Variants in ZMAT3 observed in about 807,000 individuals in gnomAD.
The protein encoded by ZMAT3 is zinc finger matrin-type protein 3.
A neutral mutation model predicts 32.3 loss-of-function variants in ZMAT3; 17 were observed. The ratio of observed to expected loss-of-function variants is 0.53; its 90% confidence interval spans 0.36 to 0.79. The LOEUF (loss-of-function observed/expected upper bound fraction) is 0.79, where lower values mean the gene tolerates loss of function less well. Ranked by LOEUF, ZMAT3 falls within the 30% of genes least tolerant of loss-of-function variation. ZMAT3 has a pLI of 0.00. For missense variants in ZMAT3, 329 were observed against 359.7 expected (o/e 0.91, Z 0.69); for synonymous variants, 120 against 133.1 (o/e 0.90, Z 0.68).
intron 2 of ZMAT3, among the ~76,000 whole-genome samples, chr3:179,035,152 G>A (rs1020442830): frequency 3.2e-4 from 48 of 152,096 alleles, no homozygotes; most frequent in African/African-American, 1.0e-3. Context: ...GGCCCTACAC[G>A]ATCTGGCCCT....
At chr3:179,057,842 T>C (rs1267735745) in intron 2 of ZMAT3, among the ~76,000 whole-genome samples, 1 of 152,122 alleles carries the variant, frequency 6.6e-6, no homozygotes, top group East Asian at 1.9e-4. Flanking sequence ...CCCAGAACAT[T>C]CTATACACTA....
chr3:179,072,410 A>G (rs1286525444), upstream of ZMAT3: 1 of 151,888 alleles, frequency 6.6e-6, no homozygotes, highest in African/African-American at 2.4e-5. Flanking sequence ...CCTGACCCCC[A>G]GAGGCTCACC....
chr3:179,070,719 T>C (rs1721664445), intron 1 of ZMAT3, among the ~76,000 whole-genome samples: 1 of 152,222 alleles, frequency 6.6e-6, no homozygotes, highest in South Asian at 2.1e-4. Context: ...CTTTGATGCT[T>C]GCGATGGCAT....
chr3:179,049,436 A>C (rs559601546), intron 2 of ZMAT3, among the ~76,000 whole-genome samples: 1 of 152,326 alleles, frequency 6.6e-6, no homozygotes, highest in Admixed American at 6.5e-5. Flanking sequence ...AGTCTCAACA[A>C]ATTTAAGAAA....
intron 2 of ZMAT3, among the ~76,000 whole-genome samples, chr3:179,044,034 C>T (rs1398076116): frequency 1.3e-5 from 2 of 152,114 alleles, no homozygotes; most frequent in African/African-American, 4.8e-5. Context: ...TGAAGATTCA[C>T]ACCAGTTAGA....
intron 1 of ZMAT3, among the ~76,000 whole-genome samples, chr3:179,068,069 C>T (rs1373925946): frequency 6.6e-6 from 1 of 152,096 alleles, no homozygotes; most frequent in Non-Finnish European, 1.5e-5. Flanking sequence ...CCCTTTGGCC[C>T]GTGAACATTA....
chr3:179,038,453 CTATGGTCCCAGCTGCTG>C (rs1719726107), intron 2 of ZMAT3, among the ~76,000 whole-genome samples: 1 of 152,094 alleles, frequency 6.6e-6, no homozygotes, highest in Admixed American at 6.5e-5. Context: ...TGGTGCAAAC[CTATGGTCCCAGCTGCTG>C]GGAGCACTGA....
At position 179,025,267 on chromosome 3, in the gene ZMAT3, A is replaced by G. The variant is rs777900405; in HGVS notation, c.659-39T>C. On this transcript the variant is annotated intron_variant, in intron 5 of 5. Transcript: ENST00000311417. Reference sequence around the variant, plus strand: ...TAAAAATAATATATTCAAAATATTCATTAAGTGAATGACAACCTGACCAAT... The same window carrying G: ...TAAAAATAATATATTCAAAATATTCGTTAAGTGAATGACAACCTGACCAAT... 35 of 1,485,526 alleles carry G rather than the reference A, an allele frequency of 2.4e-5. No individual in the cohort carries two copies. In the Middle Eastern group the frequency reaches 1.1e-3, roughly 47 times the overall value. 92.0% of individuals were successfully genotyped at this position (1,485,526 alleles called of 1,614,324 possible). A position where few individuals can be genotyped will look rare whatever the true frequency, so the allele number is the denominator to read the frequency against.
rs562310018 is a variant in ZMAT3, at chr3:179,043,495, G to C, written c.271-12496C>G. 7.9e-4 allele frequency among the ~76,000 whole-genome samples: 121 copies of C among 152,296 alleles called. 2 individuals are homozygous for C. Among genetic ancestry groups the C allele is most frequent in the Middle Eastern group, 3.4e-3 (1 of 294 alleles). On this transcript the variant is annotated intron_variant, in intron 2 of 5. Coordinates refer to ENST00000311417, the MANE Select transcript of ZMAT3 (RefSeq NM_022470.4). ...GGAAAGGATTCCCTATTTAATAAAT[G>C]GTGCTGGGAAAACTGGCTAGCCATA...
rs1291608359 is a variant in ZMAT3, at chr3:179,022,245, G to A, written c.*2772C>T. 5.3e-5 allele frequency: 8 copies of A among 152,100 alleles called. No homozygotes were observed. Among genetic ancestry groups the A allele is most frequent in the African/African-American group, 1.7e-4 (7 of 41,422 alleles). The allele number at this position is 152,100 out of a possible 1,614,324, so 9.4% of individuals were successfully genotyped here. On this transcript the variant is annotated 3_prime_UTR_variant, in exon 6 of 6. Transcript: ENST00000311417. ...CCCTTAAGTCGGCTGCTTTTTCTAC[G>A]TATATAATGAAATTGTTAAGTGGAG...
rs752880612 is a variant in ZMAT3, at chr3:179,046,940, G to A, written c.271-15941C>T. Among the ~76,000 whole-genome samples, 46 of 152,230 alleles carry A rather than the reference G, an allele frequency of 3.0e-4. No homozygotes were observed. The highest frequency in any genetic ancestry group is 3.4e-3 in the Middle Eastern group (1 of 294). On this transcript the variant is annotated intron_variant, in intron 2 of 5. Transcript: ENST00000311417. The surrounding 1 kb of genome is among the most constrained non-coding windows in gnomAD (Gnocchi z 4.3). ...CCCACACTGGTGGCCGAAGACAAAG[G>A]ACATAAGCTCTTGGGAGCTCTGGGG...
rs1336451059 is a variant in ZMAT3, at chr3:179,052,829, GC to G, written c.270+14653del. On this transcript the variant is annotated intron_variant, in intron 2 of 5. Transcript: ENST00000311417. ...AGCCATAAAAAGGAACGAAATAATG[GC>G]ATTTGCAGCAACTTAGGCCAGGCGC... 3.9e-5 allele frequency among the ~76,000 whole-genome samples: 6 copies of G among 152,146 alleles called. No individual in the cohort carries two copies. In the South Asian group the frequency reaches 1.2e-3, roughly 32 times the overall value.
chr3:179,058,494 C>T (rs1273048553), intron 2 of ZMAT3, among the ~76,000 whole-genome samples: 1 of 152,218 alleles, frequency 6.6e-6, no homozygotes, highest in African/African-American at 2.4e-5. Context: ...CGGTGGCTCA[C>T]GCCTGTAATC....
At chr3:179,065,568 T>C (rs1486629211) in intron 2 of ZMAT3, among the ~76,000 whole-genome samples, 1 of 152,214 alleles carries the variant, frequency 6.6e-6, no homozygotes, top group Non-Finnish European at 1.5e-5. Context: ...ATAAGGTATA[T>C]GTATAATCCA....
At chr3:179,057,709 G>A (rs1253928858) in intron 2 of ZMAT3, among the ~76,000 whole-genome samples, 1 of 152,198 alleles carries the variant, frequency 6.6e-6, no homozygotes, top group Admixed American at 6.5e-5. Flanking sequence ...AAAGGCACCA[G>A]GGCCCTCAGT....
chr3:179,018,900 G>A lies in ZMAT3; in HGVS notation c.*6117C>T, dbSNP rs1412377418. 1 of 152,070 alleles carries A rather than the reference G, an allele frequency of 6.6e-6. No homozygotes were observed. The highest frequency in any genetic ancestry group is 1.9e-4 in the East Asian group (1 of 5,188). The allele number at this position is 152,070 out of a possible 1,614,324, so 9.4% of individuals were successfully genotyped here. On this transcript the variant is annotated 3_prime_UTR_variant, in exon 6 of 6. Transcript: ENST00000311417. ...TTCAACTTACTAAGCTACTTAATCT[G>A]CTCTCCTAGAGTTGTTTAAAACAGC... is the stretch of plus-strand genomic sequence containing the variant.
intron 2 of ZMAT3, among the ~76,000 whole-genome samples, chr3:179,061,115 A>G (rs1368230434): frequency 6.6e-6 from 1 of 152,188 alleles, no homozygotes; most frequent in East Asian, 1.9e-4. Flanking sequence ...TTAATGTGAC[A>G]ATATACTCCA....
intron 1 of ZMAT3, among the ~76,000 whole-genome samples, chr3:179,070,303 C>G (rs1721644078): frequency 6.6e-6 from 1 of 152,184 alleles, no homozygotes; most frequent in Non-Finnish European, 1.5e-5. Context: ...TCTCAAAGAA[C>G]AGAGGCACAA....
chr3:179,026,528 A>G (rs1026104445), intron 5 of ZMAT3, among the ~76,000 whole-genome samples: 4 of 151,964 alleles, frequency 2.6e-5, no homozygotes, highest in African/African-American at 9.7e-5. Context: ...CTGGGATTAC[A>G]GGCGTATGCC....
Sources: gnomAD v4.1 joint callset for allele counts (sites outside exome capture counted in the v4.1 genomes callset) on GRCh38, gnomAD v4.1.1 for gene constraint, Gnocchi (gnomAD v3.1) non-coding constraint, MANE v1.5 for transcripts, NCBI Gene and HGNC (gene_info 2026-07-23, HGNC 2026-07-21) for gene names.